SP4: variants seen among roughly 807,000 people sequenced by gnomAD.
SP4 encodes transcription factor Sp4.
Under a neutral mutation model 72.8 loss-of-function variants are expected in SP4, and 19 were observed. The observed-to-expected ratio is 0.26, with a 90% confidence interval of 0.18 to 0.38. SP4 has a LOEUF of 0.38. SP4 is among the 10% of genes least tolerant of loss of function. SP4 has a pLI of 1.00. For missense variants in SP4, 1,008 were observed against 926.3 expected (o/e 1.09, Z -1.14); for synonymous variants, 395 against 333.1 (o/e 1.19, Z -2.02).
chr7:21,464,577 T>A (rs1239852235), intron 3 of SP4, among the ~76,000 whole-genome samples: 1 of 120,350 alleles, frequency 8.3e-6, no homozygotes, highest in African/African-American at 3.5e-5. Flanking sequence ...AAAATCTATT[T>A]TCTATTTTTT....
chr7:21,503,746 T>C (rs561774194), intron 5 of SP4, among the ~76,000 whole-genome samples: 4 of 152,244 alleles, frequency 2.6e-5, no homozygotes, highest in Non-Finnish European at 5.9e-5. Context: ...TGAAATCTAC[T>C]TGAATGCTTT....
chr7:21,505,654 C>G lies in SP4; in HGVS notation c.2108-5368C>G, dbSNP rs545902244. Among the ~76,000 whole-genome samples, 107 of 152,294 alleles carry G rather than the reference C, an allele frequency of 7.0e-4. 1 individual carries two copies. The highest frequency in any genetic ancestry group is 2.5e-3 in the African/African-American group (102 of 41,550). ...TCCACCACATTGAACCACTTACGTT[C>G]ATAGGGTATCTTACTAAAGAGGGTG... On this transcript the variant is annotated intron_variant, in intron 5 of 5. Transcript: ENST00000222584.
At chr7:21,478,781 G>T (rs1784591259) in intron 4 of SP4, among the ~76,000 whole-genome samples, 2 of 151,844 alleles carry the variant, frequency 1.3e-5, no homozygotes, top group Admixed American at 1.3e-4. Flanking sequence ...TGAAAATATT[G>T]TCTCCTGGCT....
intron 5 of SP4, among the ~76,000 whole-genome samples, chr7:21,486,635 CTCTTA>C (rs1784818834): frequency 6.6e-6 from 1 of 152,100 alleles, no homozygotes; most frequent in Admixed American, 6.5e-5. Flanking sequence ...TAGTGTCTTT[CTCTTA>C]TCATATAAGA....
chr7:21,498,172 A>T (rs1335172959), intron 5 of SP4, among the ~76,000 whole-genome samples: 3 of 152,176 alleles, frequency 2.0e-5, no homozygotes, highest in Non-Finnish European at 2.9e-5. Flanking sequence ...GAGATTGAAA[A>T]TTTTTGAAAA....
chr7:21,458,460 A>C (rs1487175453), intron 3 of SP4, among the ~76,000 whole-genome samples: 4 of 152,196 alleles, frequency 2.6e-5, no homozygotes, highest in African/African-American at 9.6e-5. Flanking sequence ...CTGGGAGTAC[A>C]GCCGTGAGCC....
At chr7:21,454,015 C>T (rs1783678852) in intron 3 of SP4, among the ~76,000 whole-genome samples, 1 of 152,216 alleles carries the variant, frequency 6.6e-6, no homozygotes, top group Admixed American at 6.5e-5. Flanking sequence ...ACTTTACTTA[C>T]ATGTTTTACA....
rs779198359 is a variant in SP4 at position 21,511,222 on chromosome 7, T to C, written c.2308T>C (p.Ser770Pro). Reference protein sequence around the residue: ...IVTVAAISQDSNPATPNVSTN... With the variant: ...IVTVAAISQDPNPATPNVSTN... ...CACAGTTGCAGCCATTTCTCAAGAT[T>C]CGAATCCAGCAACTCCCAATGTTTC... is the stretch of plus-strand genomic sequence containing the variant. The change falls in exon 6 of 6, where the codon TCG (serine) becomes CCG (proline). Residue 770 changes from serine (S) to proline (P), a missense_variant. This residue lies in a region of SP4 where 67 missense variants were observed against 66.1 expected (regional missense o/e 1.01). Coordinates refer to ENST00000222584, the MANE Select transcript of SP4 (RefSeq NM_003112.5). The C allele has an allele frequency of 6.2e-7, 1 of 1,614,192 alleles. No homozygotes were observed. The highest frequency in any genetic ancestry group is 2.2e-5 in the East Asian group (1 of 44,888).
chr7:21,429,808 G>A lies in SP4; in HGVS notation c.643G>A (p.Ala215Thr), dbSNP rs540617987. 1 of 1,614,210 alleles carries A rather than the reference G, an allele frequency of 6.2e-7. No homozygotes were observed. Among genetic ancestry groups the A allele is most frequent in the Admixed American group, 1.7e-5 (1 of 60,022 alleles). Residue 215 changes from alanine (A) to threonine (T), a missense_variant, in exon 3 of 6, where the codon GCT (alanine) becomes ACT (threonine). Physicochemically the swap from Ala to Thr is moderately conservative, Grantham distance 58. Around this residue, in one of 3 missense-constraint regions of SP4, gnomAD observed 893 missense variants for 743.3 expected, o/e 1.20. Coordinates refer to ENST00000222584, the MANE Select transcript of SP4 (RefSeq NM_003112.5). ...TATACTCACAGCTGCTAACAGGACA[G>A]CTTCTGGGAATATTCTTGCTCAAAA... is the stretch of plus-strand genomic sequence containing the variant. ...QAILTAANRT[A>T]SGNILAQNLA...
rs748307801 is a variant in SP4 at position 21,428,298 on chromosome 7, C to G, written c.7+40C>G. On this transcript the variant is annotated intron_variant, in intron 1 of 5. Coordinates refer to ENST00000222584, the MANE Select transcript of SP4 (RefSeq NM_003112.5). ...CCCCCCTCAGTCTCCTTCGCCGCCT[C>G]CCTCTCTCCCTCCCTCCCCAGACCC... is the stretch of plus-strand genomic sequence containing the variant. 5.2e-6 allele frequency: 6 copies of G among 1,148,428 alleles called. No homozygotes were observed. In the South Asian group the frequency reaches 6.6e-5, roughly 13 times the overall value. 71.1% of individuals were successfully genotyped at this position (1,148,428 alleles called of 1,614,324 possible). A position where few individuals can be genotyped will look rare whatever the true frequency, so the allele number is the denominator to read the frequency against.
chr7:21,481,347 T>C (rs1034802768), intron 4 of SP4, among the ~76,000 whole-genome samples: 5 of 152,176 alleles, frequency 3.3e-5, no homozygotes, highest in Non-Finnish European at 7.3e-5. Flanking sequence ...CGGGAGGAAG[T>C]AGGGAAGGGG....
chr7:21,428,774 C>CA lies in SP4; in HGVS notation c.109dup (p.Thr37AsnfsTer27). The CA allele has an allele frequency of 6.4e-7, 1 of 1,550,868 alleles. No individual in the cohort carries two copies. Among genetic ancestry groups the CA allele is most frequent in the Non-Finnish European group, 8.7e-7 (1 of 1,146,838 alleles). On this transcript the variant is annotated frameshift_variant, in exon 2 of 6. Transcript: ENST00000222584. LOFTEE classifies it high-confidence loss of function. ...AGCCAGAGAATAACAATAAAAAACCCAAAACCTCAGGCTCCCAGGTAAAAG... is the reference window on the plus strand; with the variant it reads ...AGCCAGAGAATAACAATAAAAAACCCAAAAACCTCAGGCTCCCAGGTAAAAG...
Position 21,430,478 on chromosome 7 carries a change from A to G in SP4, c.1313A>G (p.Gln438Arg). Residue 438 changes from glutamine to arginine, a missense_variant, in exon 3 of 6, where the codon CAG (glutamine) becomes CGG (arginine). Transcript: ENST00000222584. ...GGGCAGACGATTCAGACCATCCAGC[A>G]GCAGCCTTTACAGAATGTTCAACTT... is the stretch of plus-strand genomic sequence containing the variant. ...QSGQTIQTIQ[Q>R]QPLQNVQLQA... is the part of the protein sequence containing the mutation. The G allele has an allele frequency of 6.2e-7, 1 of 1,614,206 alleles. No individual in the cohort carries two copies.
chr7:21,503,468 TC>T (rs1441316571), intron 5 of SP4, among the ~76,000 whole-genome samples: 1 of 152,322 alleles, frequency 6.6e-6, no homozygotes, highest in East Asian at 1.9e-4. Flanking sequence ...CTTTCTACTT[TC>T]CAGAGGAAGG....
At chr7:21,429,143 T>C in intron 2 of SP4, 146 bp from the exon 3 acceptor site, 1 of 597,682 alleles carries the variant, frequency 1.7e-6, no homozygotes, top group East Asian at 2.8e-5. Flanking sequence ...TCTACTTTTG[T>C]TCGTATTTCT....
chr7:21,484,264 G>A (rs965914770), intron 5 of SP4, among the ~76,000 whole-genome samples: 4 of 151,732 alleles, frequency 2.6e-5, no homozygotes, highest in Admixed American at 2.0e-4. Flanking sequence ...GCAATACTTC[G>A]GGGATTCATT....
intron 3 of SP4, among the ~76,000 whole-genome samples, chr7:21,456,838 G>A (rs150376025): frequency 1.3e-5 from 2 of 152,206 alleles, no homozygotes; most frequent in Non-Finnish European, 2.9e-5. Flanking sequence ...TCTCAGGTCT[G>A]CCTGATGTAG....
rs74870230 is a variant in SP4 at position 21,484,663 on chromosome 7, T to G, written c.2107+2540T>G. On this transcript the variant is annotated intron_variant, in intron 5 of 5. Coordinates refer to ENST00000222584, the MANE Select transcript of SP4 (RefSeq NM_003112.5). ...TTAGAAAAATACTCTGCTATTTAGG[T>G]CTGCATGAAAGGATGCAGTGTTTCC... Among the ~76,000 whole-genome samples the G allele has an allele frequency of 3.8e-3, 581 of 151,996 alleles. 3 individuals are homozygous for G. The highest frequency in any genetic ancestry group is 0.013 in the African/African-American group (525 of 41,552).
intron 3 of SP4, chr7:21,470,965 G>A: frequency 2.1e-6 from 1 of 475,588 alleles, no homozygotes; most frequent in South Asian, 1.6e-5. Flanking sequence ...TGGTAAGAAG[G>A]ATTAAAGACT....
Sources: gnomAD v4.1 joint callset for allele counts (sites outside exome capture counted in the v4.1 genomes callset) on GRCh38, gnomAD v4.1.1 for gene constraint, gnomAD v4.1.1 regional missense constraint, MANE v1.5 for transcripts, NCBI Gene and HGNC (gene_info 2026-07-23, HGNC 2026-07-21) for gene names.